The following CSMD1 variants were observed in gnomAD, a reference collection of about 807,000 sequenced individuals.
The protein encoded by CSMD1 is CUB and sushi domain-containing protein 1.
In CSMD1, 213 loss-of-function variants were observed where a neutral mutation model predicts 417.5. That is an observed-to-expected ratio of 0.51 (90% CI 0.46 to 0.57). The LOEUF is 0.57. Ranked by LOEUF, CSMD1 falls within the 20% of genes least tolerant of loss-of-function variation. The pLI, the probability that CSMD1 is intolerant of heterozygous loss-of-function variation, is 0.00. For synonymous variants in CSMD1, 2,862 were observed against 1,736.8 expected, an observed-to-expected ratio of 1.65 and a Z score of -16.11; for missense variants, 6,923 against 4,529.7, an observed-to-expected ratio of 1.53 and a Z score of -15.17.
intron 50 of CSMD1, among the ~76,000 whole-genome samples, chr8:3,044,699 G>A (rs1350467955): frequency 6.6e-6 from 1 of 152,024 alleles, no homozygotes; most frequent in Non-Finnish European, 1.5e-5. Flanking sequence ...GGCGGCAAAT[G>A]GAAGCATAAT....
At chr8:2,973,052 G>C (rs1040907932) in intron 57 of CSMD1, 65 bp downstream of exon 57, 1 of 1,487,504 alleles carries the variant, frequency 6.7e-7, no homozygotes, top group Non-Finnish European at 9.1e-7. Context: ...ATTTTGCCAG[G>C]CATTTTAGAA....
chr8:4,131,834 C>T (rs1039533606), intron 3 of CSMD1, among the ~76,000 whole-genome samples: 4 of 142,938 alleles, frequency 2.8e-5, no homozygotes, highest in African/African-American at 8.0e-5. Context: ...GCGATCCCGG[C>T]TCACTGCAAG....
At chr8:4,830,923 C>T (rs924269462) in intron 1 of CSMD1, among the ~76,000 whole-genome samples, 1 of 152,060 alleles carries the variant, frequency 6.6e-6, no homozygotes, top group South Asian at 2.1e-4. Flanking sequence ...AGTGAACTTC[C>T]TTATGTTACC....
chr8:3,640,360 G>T (rs1438147150), intron 7 of CSMD1, among the ~76,000 whole-genome samples: 1 of 152,120 alleles, frequency 6.6e-6, no homozygotes, highest in Non-Finnish European at 1.5e-5. Context: ...GTAGTTTATT[G>T]AAGGCATTGT....
At chr8:4,758,133 C>T (rs868079664) in intron 1 of CSMD1, among the ~76,000 whole-genome samples, 14 of 151,970 alleles carry the variant, frequency 9.2e-5, no homozygotes, top group African/African-American at 3.1e-4. Context: ...CAACATTGAC[C>T]AACCAAAATG....
intron 6 of CSMD1, 139 bp from the exon 7 acceptor site, chr8:3,708,630 C>T: frequency 1.5e-6 from 1 of 683,656 alleles, no homozygotes; most frequent in Non-Finnish European, 2.6e-6. Context: ...GTGAATGATA[C>T]CAAGTCAATG....
chr8:4,521,539 A>G (rs977545714), intron 2 of CSMD1, among the ~76,000 whole-genome samples: 1 of 152,200 alleles, frequency 6.6e-6, no homozygotes, highest in African/African-American at 2.4e-5. Context: ...TGTCTACTAT[A>G]GCAGTGATAC....
chr8:3,724,402 G>T (rs1258128496), intron 6 of CSMD1, among the ~76,000 whole-genome samples: 1 of 152,010 alleles, frequency 6.6e-6, no homozygotes, highest in African/African-American at 2.4e-5. Flanking sequence ...TTCTAAAGGA[G>T]TATTGTCACT....
chr8:3,897,696 G>T (rs1807457032), intron 5 of CSMD1, among the ~76,000 whole-genome samples: 1 of 152,018 alleles, frequency 6.6e-6, no homozygotes, highest in African/African-American at 2.4e-5. Flanking sequence ...CCTTTATCAT[G>T]CCCATAATCC....
At chr8:3,477,760 T>C (rs1289436866) in intron 11 of CSMD1, among the ~76,000 whole-genome samples, 1 of 152,098 alleles carries the variant, frequency 6.6e-6, no homozygotes, top group Non-Finnish European at 1.5e-5. Flanking sequence ...TCAGATACAG[T>C]ATTGAGGAGG....
chr8:2,969,517 T>G (rs1316876426), intron 57 of CSMD1, among the ~76,000 whole-genome samples: 1 of 152,202 alleles, frequency 6.6e-6, no homozygotes, highest in South Asian at 2.1e-4. Context: ...GATTTTTCGT[T>G]TAGAATTATA....
chr8:2,992,859 T>G (rs1432026687), intron 54 of CSMD1, among the ~76,000 whole-genome samples: 1 of 152,040 alleles, frequency 6.6e-6, no homozygotes, highest in African/African-American at 2.4e-5. Flanking sequence ...CTTCTCAGCC[T>G]CCTAGGTAGG....
chr8:3,600,072 T>G (rs2469351), intron 8 of CSMD1, among the ~76,000 whole-genome samples: 36,025 of 152,108 alleles, frequency 0.24, 4,494 homozygotes, highest in Admixed American at 0.27. Flanking sequence ...TCTGAATGCT[T>G]GCTGAACACT....
intron 5 of CSMD1, among the ~76,000 whole-genome samples, chr8:3,834,893 A>G (rs931085077): frequency 2.6e-5 from 4 of 152,114 alleles, no homozygotes; most frequent in African/African-American, 7.2e-5. Flanking sequence ...CAACCCCATC[A>G]AAAAGTGGGT....
chr8:4,058,584 A>G (rs914990978), intron 3 of CSMD1, among the ~76,000 whole-genome samples: 1 of 151,666 alleles, frequency 6.6e-6, no homozygotes, highest in African/African-American at 2.4e-5. Flanking sequence ...TCAAAATAAA[A>G]GGATGGAGGA....
At chr8:3,926,775 T>C in intron 5 of CSMD1, among the ~76,000 whole-genome samples, 1 of 145,976 alleles carries the variant, frequency 6.9e-6, no homozygotes, top group East Asian at 2.0e-4. Flanking sequence ...GAATGCAGTG[T>C]CGTGATCTCA....
At chr8:4,506,271 A>T (rs1802521029) in intron 2 of CSMD1, among the ~76,000 whole-genome samples, 1 of 152,148 alleles carries the variant, frequency 6.6e-6, no homozygotes, top group South Asian at 2.1e-4. Flanking sequence ...CCAGGAACAG[A>T]CGGATTCATG....
At chr8:4,217,634 A>T (rs1800761795) in intron 3 of CSMD1, among the ~76,000 whole-genome samples, 1 of 150,562 alleles carries the variant, frequency 6.6e-6, no homozygotes, top group South Asian at 2.1e-4. Context: ...ACTGTTGAAA[A>T]AGTTGACTCA....
intron 3 of CSMD1, among the ~76,000 whole-genome samples, chr8:4,330,211 C>G (rs968963015): frequency 2.6e-5 from 4 of 152,060 alleles, no homozygotes; most frequent in African/African-American, 9.7e-5. Flanking sequence ...CTCCATAACA[C>G]CCGTCAGATC....
Sources: gnomAD v4.1 joint callset for allele counts (sites outside exome capture counted in the v4.1 genomes callset) on GRCh38, gnomAD v4.1.1 for gene constraint, MANE v1.5 for transcripts, NCBI Gene and HGNC (gene_info 2026-07-23, HGNC 2026-07-21) for gene names.